The following NFIB variants were observed in gnomAD, a reference collection of about 807,000 sequenced individuals.
The protein encoded by NFIB is nuclear factor I B, also known as nuclear factor 1 B-type.
NFIB carries 11 observed loss-of-function variants against 61.5 expected under a neutral mutation model. That is an observed-to-expected ratio of 0.18 (90% CI 0.11 to 0.30). The LOEUF (loss-of-function observed/expected upper bound fraction) is 0.30, where lower values mean the gene tolerates loss of function less well. NFIB is among the 10% of genes least tolerant of loss of function. NFIB has a pLI of 1.00. For synonymous variants in NFIB, 260 were observed against 216.5 expected (o/e 1.20, Z -1.76); for missense variants, 471 against 608.9 (o/e 0.77, Z 2.38).
At chr9:14,296,659 G>A (rs1266269567) in intron 2 of NFIB, among the ~76,000 whole-genome samples, 4 of 152,216 alleles carry the variant, frequency 2.6e-5, no homozygotes, top group Admixed American at 2.6e-4. Flanking sequence ...ACCCGGAAGA[G>A]AGCCCTCGCT....
At chr9:14,347,884 C>G (rs1016562751) in intron 1 of NFIB, among the ~76,000 whole-genome samples, 1 of 152,088 alleles carries the variant, frequency 6.6e-6, no homozygotes, top group Non-Finnish European at 1.5e-5. Context: ...CAGCAAGGGC[C>G]GAGCGCGCGC....
At chr9:14,433,107 G>C in the NFIB span, among the ~76,000 whole-genome samples, 4 of 152,164 alleles carry the variant, frequency 2.6e-5, no homozygotes, top group East Asian at 7.7e-4. Context: ...TATAATTTTG[G>C]AGCAGTAAAA....
At chr9:14,507,961 GACACACACAA>G in the NFIB span, among the ~76,000 whole-genome samples, 4 of 135,432 alleles carry the variant, frequency 3.0e-5, no homozygotes, top group East Asian at 9.0e-4. Context: ...CACAGACACA[GACACACACAA>G]ACACACACAC....
chr9:14,139,140 G>C (rs1281216639), intron 6 of NFIB, among the ~76,000 whole-genome samples: 1 of 152,084 alleles, frequency 6.6e-6, no homozygotes, highest in African/African-American at 2.4e-5. Flanking sequence ...CAGGCTGCAG[G>C]ATAACAGAAA....
chr9:14,108,298 T>C (rs908259217), intron 10 of NFIB, among the ~76,000 whole-genome samples: 1 of 152,094 alleles, frequency 6.6e-6, no homozygotes, highest in Non-Finnish European at 1.5e-5. Context: ...GTCCTTTTAA[T>C]TGCTTGCCTC....
At chr9:14,293,187 A>C (rs1230930701) in intron 2 of NFIB, among the ~76,000 whole-genome samples, 1 of 152,286 alleles carries the variant, frequency 6.6e-6, no homozygotes, top group East Asian at 1.9e-4. Context: ...GTGTTTTCCA[A>C]AATATTGCCC....
At chr9:14,355,309 C>T (rs4741364) in intron 1 of NFIB, among the ~76,000 whole-genome samples, 4 of 152,142 alleles carry the variant, frequency 2.6e-5, no homozygotes, top group Non-Finnish European at 5.9e-5. Context: ...CATATGAAGA[C>T]GGAGTAGGTA....
chr9:14,276,391 T>C lies in NFIB; in HGVS notation c.562+30598A>G, dbSNP rs2058002852. ...ACAATTTACAAGTATGAGGTATAAC[T>C]TAAACAGCTAACTGGAAGACATTAA... On this transcript the variant is annotated intron_variant, in intron 2 of 10. Transcript: ENST00000380953. 2.0e-5 allele frequency among the ~76,000 whole-genome samples: 3 copies of C among 152,176 alleles called. No individual in the cohort carries two copies. In the South Asian group the frequency reaches 6.2e-4, roughly 31 times the overall value.
intron 1 of NFIB, among the ~76,000 whole-genome samples, chr9:14,376,106 G>A (rs1387477368): frequency 6.6e-6 from 1 of 152,224 alleles, no homozygotes; most frequent in Non-Finnish European, 1.5e-5. Context: ...CTGGAGGGCA[G>A]TGGCTATGCA....
At chr9:14,204,831 G>C in intron 2 of NFIB, 1 of 471,160 alleles carries the variant, frequency 2.1e-6, no homozygotes, top group South Asian at 2.0e-5. Context: ...CTAATCCACA[G>C]GAAGACCTGC....
intron 7 of NFIB, 43 bp downstream of exon 7, chr9:14,125,589 C>A (rs1031109390): frequency 6.2e-7 from 1 of 1,610,224 alleles, no homozygotes; most frequent in African/African-American, 1.3e-5. Context: ...TTAGGCCCTA[C>A]AGACAAGAAG....
intron 1 of NFIB, among the ~76,000 whole-genome samples, chr9:14,352,787 G>A (rs1376748961): frequency 6.6e-6 from 1 of 152,214 alleles, no homozygotes; most frequent in Non-Finnish European, 1.5e-5. Flanking sequence ...TAAACATACA[G>A]CTGCTTTTCA....
At chr9:14,296,375 C>A (rs1410051961) in intron 2 of NFIB, among the ~76,000 whole-genome samples, 1 of 152,206 alleles carries the variant, frequency 6.6e-6, no homozygotes, top group Non-Finnish European at 1.5e-5. Flanking sequence ...GGTCACAAAG[C>A]AGATAAATGG....
At chr9:14,168,635 C>T (rs1056049545) in intron 3 of NFIB, among the ~76,000 whole-genome samples, 4 of 152,174 alleles carry the variant, frequency 2.6e-5, no homozygotes, top group South Asian at 2.1e-4. Context: ...CAGATTTGCA[C>T]ATCACCACAG....
chr9:14,185,195 A>C (rs934143612), intron 2 of NFIB, among the ~76,000 whole-genome samples: 1 of 152,204 alleles, frequency 6.6e-6, no homozygotes, highest in African/African-American at 2.4e-5. Context: ...TCTTCCTAGG[A>C]AAGGTGGGCA....
At chr9:14,271,474 C>G (rs1219624613) in intron 2 of NFIB, among the ~76,000 whole-genome samples, 1 of 152,072 alleles carries the variant, frequency 6.6e-6, no homozygotes, top group African/African-American at 2.4e-5. Flanking sequence ...ATTATGACAT[C>G]TGAGTCATTA....
intron 2 of NFIB, among the ~76,000 whole-genome samples, chr9:14,287,527 G>C (rs1362972733): frequency 6.6e-6 from 1 of 151,842 alleles, no homozygotes; most frequent in Admixed American, 6.6e-5. Flanking sequence ...GGGTTCAAAC[G>C]ATCTTCTGCC....
At chr9:14,222,460 C>G (rs556897274) in intron 2 of NFIB, among the ~76,000 whole-genome samples, 3 of 152,294 alleles carry the variant, frequency 2.0e-5, no homozygotes, top group Admixed American at 2.0e-4. Flanking sequence ...AGCCTTTGCC[C>G]AAGCTAATTT....
chr9:14,102,340 T>C lies in NFIB; in HGVS notation c.1467+10659A>G. 2 of 1,189,002 alleles carry C rather than the reference T, an allele frequency of 1.7e-6. 1 individual carries two copies. The highest frequency in any genetic ancestry group is 2.9e-5 in the South Asian group (2 of 68,700). The allele number at this position is 1,189,002 out of a possible 1,614,324, so 73.7% of individuals were successfully genotyped here. ...AACTAAATTTTTAACATATATTTTCTGTAAAGCTAGTTAAAAACAAACACT... is the reference window on the plus strand; with the variant it reads ...AACTAAATTTTTAACATATATTTTCCGTAAAGCTAGTTAAAAACAAACACT... On this transcript the variant is annotated intron_variant, in intron 10 of 10. Transcript: ENST00000380953.
Sources: gnomAD v4.1 joint callset for allele counts (sites outside exome capture counted in the v4.1 genomes callset) on GRCh38, gnomAD v4.1.1 for gene constraint, MANE v1.5 for transcripts, NCBI Gene and HGNC (gene_info 2026-07-23, HGNC 2026-07-21) for gene names.